Variants in NETO1 observed in about 807,000 individuals in gnomAD.
NETO1 encodes neuropilin and tolloid like 1.
A neutral mutation model predicts 61.3 loss-of-function variants in NETO1; 26 were observed. The observed-to-expected ratio is 0.42, with a 90% confidence interval of 0.31 to 0.59. NETO1 has a LOEUF of 0.59. NETO1 is among the 20% of genes least tolerant of loss of function. NETO1 has a pLI of 0.12. For missense variants in NETO1, 531 were observed against 662.8 expected, an observed-to-expected ratio of 0.80 and a Z score of 2.18; for synonymous variants, 225 against 225.8, an observed-to-expected ratio of 1.00 and a Z score of 0.03.
At chr18:72,772,825 C>CTCTCTCTATA (rs1568187563) in intron 7 of NETO1, among the ~76,000 whole-genome samples, 24 of 40,820 alleles carry the variant, frequency 5.9e-4, no homozygotes, top group Non-Finnish European at 9.1e-4. Context: ...CTCTCTCTCT[C>CTCTCTCTATA]TATATATATA....
At chr18:72,844,180 G>A (rs940927425) in intron 4 of NETO1, among the ~76,000 whole-genome samples, 4 of 152,070 alleles carry the variant, frequency 2.6e-5, no homozygotes, top group Non-Finnish European at 4.4e-5. Flanking sequence ...AGCCACAGTC[G>A]TTTCTACTTC....
At chr18:72,789,129 G>A (rs958325938) in intron 6 of NETO1, among the ~76,000 whole-genome samples, 8 of 151,610 alleles carry the variant, frequency 5.3e-5, no homozygotes, top group Non-Finnish European at 8.8e-5. Flanking sequence ...AGAATATTCC[G>A]TTTGGACGGT....
At chr18:72,802,726 A>AC (rs2072549406) in intron 4 of NETO1, among the ~76,000 whole-genome samples, 1 of 152,236 alleles carries the variant, frequency 6.6e-6, no homozygotes, top group Admixed American at 6.5e-5. Flanking sequence ...CTTAGCAATG[A>AC]ATCAGGACTG....
chr18:72,805,017 C>G (rs2072628681), intron 4 of NETO1, among the ~76,000 whole-genome samples: 2 of 152,130 alleles, frequency 1.3e-5, no homozygotes, highest in Admixed American at 1.3e-4. Context: ...TTTAAATTGT[C>G]TTGACTGTTA....
rs546536858 is a variant in NETO1 at position 72,754,296 on chromosome 18, A to G, written c.982+1738T>C. 1.2e-4 allele frequency among the ~76,000 whole-genome samples: 18 copies of G among 152,270 alleles called. No homozygotes were observed. In the South Asian group the frequency reaches 3.1e-3, roughly 26 times the overall value. ...GAGAAAAAATACATGAGACATTTAG[A>G]AACAAAAAGTATAATGGAATATATA... is the stretch of plus-strand genomic sequence containing the variant. On this transcript the variant is annotated intron_variant, in intron 8 of 10. Coordinates refer to ENST00000327305, the MANE Select transcript of NETO1 (RefSeq NM_138966.5).
chr18:72,834,286 CA>C (rs1421140396), intron 4 of NETO1: 92 of 833,462 alleles, frequency 1.1e-4, no homozygotes, highest in Admixed American at 8.1e-4. Flanking sequence ...ACAATAATAA[CA>C]GAAAAAATTT....
chr18:72,816,898 G>A (rs546893283), intron 4 of NETO1, among the ~76,000 whole-genome samples: 2 of 152,302 alleles, frequency 1.3e-5, no homozygotes, highest in East Asian at 3.9e-4. Context: ...AAGGATGATG[G>A]CTACAAGACT....
intron 4 of NETO1, chr18:72,834,570 A>G: frequency 1.0e-6 from 1 of 979,370 alleles, no homozygotes; most frequent in Non-Finnish European, 1.2e-6. Flanking sequence ...GTAGTAATCT[A>G]TTTCACAACA....
chr18:72,822,931 G>A (rs2073248904), intron 4 of NETO1, among the ~76,000 whole-genome samples: 2 of 152,182 alleles, frequency 1.3e-5, no homozygotes. Flanking sequence ...AGAACAGTGT[G>A]AATATTTTAC....
intron 4 of NETO1, among the ~76,000 whole-genome samples, chr18:72,802,530 A>C (rs535548881): frequency 6.6e-6 from 1 of 152,376 alleles, no homozygotes; most frequent in African/African-American, 2.4e-5. Context: ...GAATTCGCTG[A>C]ATGTCAGCAT....
intron 1 of NETO1, chr18:72,865,681 C>T (rs1232161348): frequency 1.9e-6 from 3 of 1,560,612 alleles, no homozygotes; most frequent in East Asian, 2.3e-5. Context: ...CTGTTCCTGA[C>T]ATACTGCAGT....
rs2074775805 is a variant in NETO1 at position 72,867,436 on chromosome 18, A to T, written c.-145T>A. On this transcript the variant is annotated 5_prime_UTR_variant, in exon 1 of 11. Transcript: ENST00000327305. ...TAAAGGGGGGCCGAGAGGGAGACCG[A>T]GAGGAAGGGGGAGCTCCGAGCCCAC... The T allele has an allele frequency of 4.1e-6, 2 of 492,154 alleles. No homozygotes were observed. Among genetic ancestry groups the T allele is most frequent in the Non-Finnish European group, 7.0e-6 (2 of 287,160 alleles). The allele number at this position is 492,154 out of a possible 1,614,324, so 30.5% of individuals were successfully genotyped here. A position where few individuals can be genotyped will look rare whatever the true frequency, so the allele number is the denominator to read the frequency against.
intron 4 of NETO1, chr18:72,835,379 T>C: frequency 7.0e-7 from 1 of 1,433,276 alleles, no homozygotes; most frequent in South Asian, 1.3e-5. Context: ...CAGGCATGAA[T>C]TGTAGGAAGT....
chr18:72,751,170 T>C (rs945315001), intron 8 of NETO1, among the ~76,000 whole-genome samples: 6 of 152,136 alleles, frequency 3.9e-5, no homozygotes, highest in Non-Finnish European at 1.5e-5. Context: ...GCATGGACTC[T>C]TTCCCAAATG....
At chr18:72,808,817 G>C (rs1173774694) in intron 4 of NETO1, among the ~76,000 whole-genome samples, 1 of 152,170 alleles carries the variant, frequency 6.6e-6, no homozygotes, top group Non-Finnish European at 1.5e-5. Context: ...TGGTGCCCTT[G>C]GCAAGGACAC....
At chr18:72,864,454 G>A (rs1252014280) in intron 3 of NETO1, among the ~76,000 whole-genome samples, 1 of 152,044 alleles carries the variant, frequency 6.6e-6, no homozygotes, top group East Asian at 1.9e-4. Context: ...TCTACTAATT[G>A]TTGAGCTAAA....
intron 4 of NETO1, chr18:72,834,725 C>CTGTTTGAT (rs1486352349): frequency 1.4e-5 from 14 of 984,906 alleles, no homozygotes; most frequent in Non-Finnish European, 1.7e-5. Context: ...TCAGCTTTTA[C>CTGTTTGAT]TGTTTGATTG....
intron 4 of NETO1, among the ~76,000 whole-genome samples, chr18:72,839,508 T>C (rs1212794061): frequency 2.0e-5 from 3 of 152,208 alleles, no homozygotes; most frequent in Non-Finnish European, 4.4e-5. Flanking sequence ...CTTTGAGAAC[T>C]GGAGGTTTAA....
chr18:72,752,888 C>T (rs940586634), intron 8 of NETO1, among the ~76,000 whole-genome samples: 1 of 152,008 alleles, frequency 6.6e-6, no homozygotes, highest in Admixed American at 6.6e-5. Flanking sequence ...GGAGCCTCAA[C>T]AGTACATTTC....
Sources: allele counts gnomAD v4.1 joint callset (sites outside exome capture counted in the v4.1 genomes callset), GRCh38; gene constraint gnomAD v4.1.1; transcripts MANE v1.5; gene names NCBI Gene and HGNC (gene_info 2026-07-23, HGNC 2026-07-21).